NRF1: variants seen among roughly 807,000 people sequenced by gnomAD.
NRF1 encodes nuclear respiratory factor 1.
In NRF1, 5 loss-of-function variants were observed where a neutral mutation model predicts 58.5. That is an observed-to-expected ratio of 0.09 (90% CI 0.04 to 0.18). The LOEUF (loss-of-function observed/expected upper bound fraction) is 0.18. Ranked by LOEUF, NRF1 falls within the 10% of genes least tolerant of loss-of-function variation. The pLI is 1.00. For missense variants in NRF1, 288 were observed against 657.7 expected (o/e 0.44, Z 6.15); for synonymous variants, 224 against 246.7 (o/e 0.91, Z 0.86).
intron 10 of NRF1, among the ~76,000 whole-genome samples, chr7:129,735,888 G>A (rs1227278110): frequency 6.6e-6 from 1 of 152,088 alleles, no homozygotes; most frequent in Non-Finnish European, 1.5e-5. Context: ...GGCACCTGTA[G>A]TCCCAGCTAC....
intron 1 of NRF1, among the ~76,000 whole-genome samples, chr7:129,653,010 C>T (rs1724730161): frequency 6.6e-6 from 1 of 152,198 alleles, no homozygotes; most frequent in African/African-American, 2.4e-5. Flanking sequence ...GCATATAGTT[C>T]AGTAATGTTA....
At chr7:129,673,002 G>A (rs1247547317) in intron 3 of NRF1, among the ~76,000 whole-genome samples, 1 of 152,154 alleles carries the variant, frequency 6.6e-6, no homozygotes, top group Admixed American at 6.6e-5. Flanking sequence ...ACCAGCAAAA[G>A]AATCTAAGAA....
intron 10 of NRF1, among the ~76,000 whole-genome samples, chr7:129,731,514 C>T (rs1017345333): frequency 1.3e-5 from 2 of 152,112 alleles, no homozygotes; most frequent in African/African-American, 2.4e-5. Context: ...TTTCATGGTT[C>T]GGTTCAATAT....
chr7:129,709,069 T>C lies in NRF1; in HGVS notation c.607-6T>C. 6.5e-7 allele frequency: 1 copy of C among 1,537,180 alleles called. No homozygotes were observed. Among genetic ancestry groups the C allele is most frequent in the Non-Finnish European group, 8.8e-7 (1 of 1,139,218 alleles). On this transcript the variant is annotated splice_region_variant and splice_polypyrimidine_tract_variant and intron_variant, in intron 5 of 10. Coordinates refer to ENST00000393232, the MANE Select transcript of NRF1 (RefSeq NM_005011.5). ...GAGTATTGATGACCACACTGTTCTC[T>C]TCCAGGCCCAGCTTCGGGCATTTAT...
At chr7:129,718,087 A>G (rs565493332) in intron 9 of NRF1, among the ~76,000 whole-genome samples, 110 of 152,180 alleles carry the variant, frequency 7.2e-4, no homozygotes, top group Non-Finnish European at 1.3e-3. Context: ...GGATGCTCCA[A>G]GAGGTGGTTT....
chr7:129,711,390 G>T (rs1306084499), intron 7 of NRF1, 85 bp from the exon 8 acceptor site: 6 of 918,504 alleles, frequency 6.5e-6, no homozygotes, highest in South Asian at 1.6e-5. Context: ...TGCTGAATTT[G>T]GGATTAAATG....
intron 1 of NRF1, among the ~76,000 whole-genome samples, chr7:129,647,424 A>G (rs1464760698): frequency 7.2e-6 from 1 of 138,430 alleles, no homozygotes; most frequent in Non-Finnish European, 1.5e-5. Context: ...TTTTTTTGAG[A>G]CAGAGTCTCG....
intron 1 of NRF1, among the ~76,000 whole-genome samples, chr7:129,626,490 GA>G (rs1332206923): frequency 6.6e-6 from 1 of 152,188 alleles, no homozygotes; most frequent in African/African-American, 2.4e-5. Context: ...ATTGGTGATT[GA>G]ACTTATATTG....
Position 129,755,250 on chromosome 7 carries a change from A to G in NRF1, c.*69A>G. 4 of 1,320,780 alleles carry G rather than the reference A, an allele frequency of 3.0e-6. No homozygotes were observed. The highest frequency in any genetic ancestry group is 1.8e-5 in the South Asian group (1 of 54,986). 81.8% of individuals were successfully genotyped at this position (1,320,780 alleles called of 1,614,324 possible). A position where few individuals can be genotyped will look rare whatever the true frequency, so the allele number is the denominator to read the frequency against. On this transcript the variant is annotated 3_prime_UTR_variant, in exon 11 of 11. Coordinates refer to ENST00000393232, the MANE Select transcript of NRF1 (RefSeq NM_005011.5). The surrounding 1 kb of genome is among the most constrained non-coding windows in gnomAD (Gnocchi z 5.8). ...TTTTTTACACGTTTGCAGAGGTGCA[A>G]TCAAATGGAATTAAGTCTCTCGACT... is the stretch of plus-strand genomic sequence containing the variant.
intron 1 of NRF1, among the ~76,000 whole-genome samples, chr7:129,632,996 C>T (rs943463555): frequency 7.4e-6 from 1 of 134,308 alleles, no homozygotes; most frequent in Admixed American, 7.1e-5. Flanking sequence ...CATAAAATTG[C>T]AAAACAGCTA....
At chr7:129,671,908 A>G (rs2151083486) in intron 3 of NRF1, among the ~76,000 whole-genome samples, 1 of 152,310 alleles carries the variant, frequency 6.6e-6, no homozygotes, top group Non-Finnish European at 1.5e-5. Flanking sequence ...GCAATGGGAA[A>G]AAAATACAGT....
chr7:129,626,498 A>G (rs916183912), intron 1 of NRF1, among the ~76,000 whole-genome samples: 2 of 152,176 alleles, frequency 1.3e-5, no homozygotes, highest in African/African-American at 4.8e-5. Context: ...TTGAACTTAT[A>G]TTGGATAAAG....
At chr7:129,704,893 T>C (rs1802913624) in intron 5 of NRF1, among the ~76,000 whole-genome samples, 1 of 152,244 alleles carries the variant, frequency 6.6e-6, no homozygotes, top group South Asian at 2.1e-4. Flanking sequence ...AAAGCCATGA[T>C]GTTTCTGAGT....
At chr7:129,743,168 C>T (rs910359349) in intron 10 of NRF1, among the ~76,000 whole-genome samples, 2 of 76,664 alleles carry the variant, frequency 2.6e-5, no homozygotes, top group African/African-American at 6.5e-5. Flanking sequence ...TACTCCTACC[C>T]CTTGTTTAAA....
At chr7:129,749,244 A>G (rs200527576) in intron 10 of NRF1, among the ~76,000 whole-genome samples, 1 of 152,124 alleles carries the variant, frequency 6.6e-6, no homozygotes, top group Non-Finnish European at 1.5e-5. Flanking sequence ...AGGCAGGGGG[A>G]AAAGTGTTGA....
At chr7:129,614,386 G>A (rs1481022818) in intron 1 of NRF1, among the ~76,000 whole-genome samples, 1 of 152,022 alleles carries the variant, frequency 6.6e-6, no homozygotes, top group Non-Finnish European at 1.5e-5. Context: ...AAAGTGCTGG[G>A]ATTACAGGCA....
At position 129,666,805 on chromosome 7, in the gene NRF1, A is replaced by G. The variant is rs536654969; in HGVS notation, c.224-4624A>G. ...CCCAGCCTCCCAAAGTGTTGGGATT[A>G]CAGGCGAGAGCCACCGCATCCAGCC... On this transcript the variant is annotated intron_variant, in intron 2 of 10. Transcript: ENST00000393232. Among the ~76,000 whole-genome samples the G allele has an allele frequency of 1.4e-4, 22 of 152,326 alleles. No individual in the cohort carries two copies. In the South Asian group the frequency reaches 4.4e-3, roughly 30 times the overall value.
At chr7:129,645,331 C>G (rs547991248) in intron 1 of NRF1, among the ~76,000 whole-genome samples, 6 of 152,296 alleles carry the variant, frequency 3.9e-5, no homozygotes, top group Non-Finnish European at 7.3e-5. Context: ...ATACAGTATT[C>G]TGGTTCCAGA....
At chr7:129,678,134 C>A (rs959508139) in intron 4 of NRF1, among the ~76,000 whole-genome samples, 3 of 152,010 alleles carry the variant, frequency 2.0e-5, no homozygotes, top group African/African-American at 7.3e-5. Flanking sequence ...AACCTGGGGG[C>A]ATTTTATTGA....
Sources: gnomAD v4.1 joint callset for allele counts (sites outside exome capture counted in the v4.1 genomes callset) on GRCh38, gnomAD v4.1.1 for gene constraint, Gnocchi (gnomAD v3.1) non-coding constraint, MANE v1.5 for transcripts, NCBI Gene and HGNC (gene_info 2026-07-23, HGNC 2026-07-21) for gene names.